The following NCR1 variants were observed in gnomAD, a reference collection of about 807,000 sequenced individuals.
The protein encoded by NCR1 is NK cell-activating receptor.
NCR1 carries 30 observed loss-of-function variants against 32.5 expected under a neutral mutation model. The ratio of observed to expected loss-of-function variants is 0.92; its 90% CI spans 0.69 to 1.25. The LOEUF (loss-of-function observed/expected upper bound fraction) is 1.25. Ranked by LOEUF, NCR1 falls within the 50% of genes most tolerant of loss-of-function variation. NCR1 has a pLI of 0.00. For missense variants in NCR1, 369 were observed against 380.7 expected (o/e 0.97, Z 0.26); for synonymous variants, 169 against 143.4 (o/e 1.18, Z -1.28).
the NCR1 span, chr19:54,927,730 T>A: frequency 5.8e-5 from 94 of 1,613,984 alleles, no homozygotes; most frequent in Non-Finnish European, 7.5e-5. Context: ...GGAGAGCAGA[T>A]CCAAGATGCT....
At chr19:54,915,996 A>G (rs1350600298), downstream of NCR1, 1 of 151,358 alleles carries the variant, frequency 6.6e-6, no homozygotes, top group Admixed American at 6.6e-5. Context: ...CAGTGAATAA[A>G]TGGTTGTATA....
chr19:54,936,492 TGTA>T, the NCR1 span: 1 of 1,384,944 alleles, frequency 7.2e-7, no homozygotes, highest in African/African-American at 1.4e-5. Flanking sequence ...TGTGGAGGCA[TGTA>T]TAAACAAAAA....
chr19:54,938,140 T>C, the NCR1 span: 1 of 1,614,026 alleles, frequency 6.2e-7, no homozygotes, highest in Non-Finnish European at 8.5e-7. Context: ...TTCCAGAAAC[T>C]TGAGGTTGCT....
chr19:54,919,187 G>A (rs371143155), downstream of NCR1, among the ~76,000 whole-genome samples: 2 of 151,960 alleles, frequency 1.3e-5, no homozygotes, highest in Non-Finnish European at 2.9e-5. Flanking sequence ...TGTGTGCGGC[G>A]ACGAGAGAGT....
chr19:54,926,205 G>GGGGT, the NCR1 span, among the ~76,000 whole-genome samples: 6 of 143,642 alleles, frequency 4.2e-5, no homozygotes, highest in East Asian at 2.4e-4. Flanking sequence ...AATGATTAGG[G>GGGGT]GTGTGTGTGT....
chr19:54,922,548 C>A, the NCR1 span, among the ~76,000 whole-genome samples: 52 of 151,904 alleles, frequency 3.4e-4, no homozygotes, highest in Middle Eastern at 3.4e-3. Flanking sequence ...GAGGCTGAGG[C>A]GGGTAGATCA....
At chr19:54,903,560 A>G (rs1051485114), upstream of NCR1, among the ~76,000 whole-genome samples, 9 of 145,324 alleles carry the variant, frequency 6.2e-5, no homozygotes, top group Admixed American at 5.7e-4. Context: ...GTGTATATAT[A>G]CATATATGTG....
upstream of NCR1, among the ~76,000 whole-genome samples, chr19:54,903,586 A>G (rs915967981): frequency 4.0e-5 from 6 of 149,178 alleles, no homozygotes; most frequent in Admixed American, 6.8e-5. Context: ...ATACGCATAT[A>G]CATGTATGTG....
At chr19:54,934,688 T>C in the NCR1 span, 1 of 1,597,636 alleles carries the variant, frequency 6.3e-7, no homozygotes, top group Non-Finnish European at 8.5e-7. The surrounding 1 kb of genome is among the most constrained non-coding windows in gnomAD (Gnocchi z 6.7). Context: ...AAGTCATTCT[T>C]CTGGGAGGAC....
rs1024770815 is a variant in NCR1, at chr19:54,913,021, G to A, written c.*150G>A. 3.0e-5 allele frequency: 20 copies of A among 661,804 alleles called. No homozygotes were observed. The highest frequency in any genetic ancestry group is 5.8e-5 in the East Asian group (2 of 34,662). The allele number at this position is 661,804 out of a possible 1,614,324, so 41.0% of individuals were successfully genotyped here. On this transcript the variant is annotated 3_prime_UTR_variant, in exon 7 of 7. Transcript: ENST00000291890. ...TTCCATTTGTCAGAGCATCCCGGAC[G>A]ATGCAGAGGGTGGGAGAACTACATG...
upstream of NCR1, among the ~76,000 whole-genome samples, chr19:54,903,494 A>G (rs947435620): frequency 8.2e-5 from 12 of 146,188 alleles, 2 homozygotes; most frequent in Middle Eastern, 3.4e-3. Flanking sequence ...GTATATACAT[A>G]TATGTATGTA....
chr19:54,926,915 TTAAAAAA>T, the NCR1 span, among the ~76,000 whole-genome samples: 26 of 130,884 alleles, frequency 2.0e-4, no homozygotes, highest in Non-Finnish European at 2.5e-4. Flanking sequence ...GACTCTGTCT[TTAAAAAA>T]AAAAAAAAAA....
At chr19:54,934,443 A>G in the NCR1 span, 1 of 1,598,964 alleles carries the variant, frequency 6.3e-7, no homozygotes, top group Non-Finnish European at 8.6e-7. This position sits in a 1 kb window ranked among gnomAD's most constrained non-coding sequence, Gnocchi z 6.7. Flanking sequence ...TCTCTTCTAT[A>G]GCCCCAGAAC....
the NCR1 span, among the ~76,000 whole-genome samples, chr19:54,926,980 C>T: frequency 6.6e-6 from 1 of 150,452 alleles, no homozygotes; most frequent in African/African-American, 2.5e-5. Flanking sequence ...ATCCCAGCTA[C>T]TCAGGAGGTT....
chr19:54,934,089 G>A, the NCR1 span, among the ~76,000 whole-genome samples: 3 of 152,058 alleles, frequency 2.0e-5, no homozygotes, highest in South Asian at 2.1e-4. This position sits in a 1 kb window ranked among gnomAD's most constrained non-coding sequence, Gnocchi z 6.7. Flanking sequence ...GACTACAGGC[G>A]CCCACCACAC....
At chr19:54,917,749 G>A (rs1254193213), downstream of NCR1, among the ~76,000 whole-genome samples, 1 of 152,122 alleles carries the variant, frequency 6.6e-6, no homozygotes, top group Non-Finnish European at 1.5e-5. Flanking sequence ...GCATCTGGTA[G>A]GTAGGGTCCA....
upstream of NCR1, among the ~76,000 whole-genome samples, chr19:54,903,370 A>ACAC (rs1569535545): frequency 1.6e-5 from 2 of 121,550 alleles, no homozygotes; most frequent in Non-Finnish European, 3.3e-5. Flanking sequence ...ATACATGTAT[A>ACAC]TATACATGTA....
chr19:54,927,604 C>G, the NCR1 span: 1 of 1,613,712 alleles, frequency 6.2e-7, no homozygotes, highest in Non-Finnish European at 8.5e-7. Flanking sequence ...AAAACCCATA[C>G]CTGAGTATCT....
the NCR1 span, chr19:54,934,630 T>C: frequency 6.2e-7 from 1 of 1,613,834 alleles, no homozygotes; most frequent in South Asian, 1.1e-5. The surrounding 1 kb of genome is among the most constrained non-coding windows in gnomAD (Gnocchi z 6.7). Context: ...TTCAGCCCAC[T>C]GCTCCGGGGT....
Sources: allele counts gnomAD v4.1 joint callset (sites outside exome capture counted in the v4.1 genomes callset), GRCh38; gene constraint gnomAD v4.1.1; non-coding constraint Gnocchi (gnomAD v3.1); transcripts MANE v1.5; gene names NCBI Gene and HGNC (gene_info 2026-07-23, HGNC 2026-07-21).